Variants in IBTK observed in about 807,000 individuals in gnomAD.
IBTK encodes the protein BTK-binding protein.
A neutral mutation model predicts 154.9 loss-of-function variants in IBTK; 83 were observed. That is an observed-to-expected ratio of 0.54 (90% CI 0.45 to 0.64). The LOEUF is 0.64. IBTK is among the 30% of genes least tolerant of loss of function. IBTK has a pLI of 0.00. For missense variants in IBTK, 1,332 were observed against 1,584.6 expected (o/e 0.84, Z 2.71); for synonymous variants, 515 against 536.1 (o/e 0.96, Z 0.54).
At chr6:82,233,195 C>A (rs1207443745) in intron 3 of IBTK, among the ~76,000 whole-genome samples, 1 of 150,636 alleles carries the variant, frequency 6.6e-6, no homozygotes, top group Admixed American at 6.6e-5. Context: ...GGCATGGTGG[C>A]ATGGGTCTAT....
chr6:82,200,390 T>A, intron 20 of IBTK, 137 bp from the exon 21 acceptor site: 1 of 743,372 alleles, frequency 1.3e-6, no homozygotes, highest in South Asian at 1.9e-5. Context: ...CCTACAGATA[T>A]TAATTATGTA....
rs375711763 is a variant in IBTK at position 82,211,587 on chromosome 6, T to G, written c.2292-15A>C. 40 of 1,598,982 alleles carry G rather than the reference T, an allele frequency of 2.5e-5. No individual in the cohort carries two copies. The highest frequency in any genetic ancestry group is 3.3e-5 in the Non-Finnish European group (38 of 1,166,654). On this transcript the variant is annotated splice_polypyrimidine_tract_variant and intron_variant, in intron 13 of 28. Coordinates refer to ENST00000306270, the MANE Select transcript of IBTK (RefSeq NM_015525.4). The stretch of plus-strand genomic sequence containing the variant: ...ACAGAAATGAACTGCAAGAAAATGT[T>G]TAATTGAAGCAAGAGCAATTTCTTT...
intron 26 of IBTK, among the ~76,000 whole-genome samples, chr6:82,175,634 T>C (rs1768082066): frequency 6.6e-6 from 1 of 152,190 alleles, no homozygotes; most frequent in South Asian, 2.1e-4. Flanking sequence ...TTTTCAACAT[T>C]AGCAACATAG....
chr6:82,190,062 C>A (rs1009576749), intron 25 of IBTK, among the ~76,000 whole-genome samples: 1 of 152,134 alleles, frequency 6.6e-6, no homozygotes, highest in Non-Finnish European at 1.5e-5. Context: ...CTGCTAAGCT[C>A]ATCCTCTCCA....
At chr6:82,239,555 TG>T (rs1770860327) in intron 2 of IBTK, among the ~76,000 whole-genome samples, 1 of 150,414 alleles carries the variant, frequency 6.6e-6, no homozygotes, top group African/African-American at 2.4e-5. Flanking sequence ...GCCATTAGAC[TG>T]GGGCAACTCT....
chr6:82,187,620 AAG>A (rs71670263), intron 25 of IBTK, among the ~76,000 whole-genome samples: 40,976 of 151,986 alleles, frequency 0.27, 5,939 homozygotes, highest in Non-Finnish European at 0.34. Context: ...AGTGGACAAA[AAG>A]AAATACTAGC....
chr6:82,194,247 A>T (rs956070283), intron 23 of IBTK, among the ~76,000 whole-genome samples: 2 of 152,118 alleles, frequency 1.3e-5, no homozygotes, highest in African/African-American at 4.8e-5. Context: ...AAAACATAGT[A>T]TTTGCTACTA....
rs757859436 is a variant in IBTK, at chr6:82,171,386, C to T, written c.*39G>A. The T allele has an allele frequency of 1.3e-6, 2 of 1,570,518 alleles. No individual in the cohort carries two copies. Among genetic ancestry groups the T allele is most frequent in the East Asian group, 4.5e-5 (2 of 44,292 alleles). On this transcript the variant is annotated 3_prime_UTR_variant, in exon 29 of 29. Coordinates refer to ENST00000306270, the MANE Select transcript of IBTK (RefSeq NM_015525.4). ...CACAGCTTTTCTTTATATGAACAAA[C>T]TCATAATTATGTAAAATGCATCTCA...
intron 16 of IBTK, among the ~76,000 whole-genome samples, chr6:82,209,738 A>C (rs1582220402): frequency 6.6e-6 from 1 of 152,360 alleles, no homozygotes; most frequent in South Asian, 2.1e-4. Context: ...CGATTTTTAA[A>C]AAGAATGAAA....
At chr6:82,199,230 C>T (rs1198649720) in intron 21 of IBTK, among the ~76,000 whole-genome samples, 2 of 151,448 alleles carry the variant, frequency 1.3e-5, no homozygotes, top group African/African-American at 2.4e-5. Flanking sequence ...TTTTAAGTCT[C>T]TGTATTGTGT....
chr6:82,204,926 G>A lies in IBTK; in HGVS notation c.2542C>T (p.Leu848Phe), dbSNP rs1769342175. The A allele has an allele frequency of 3.1e-6, 5 of 1,602,102 alleles. No homozygotes were observed. Among genetic ancestry groups the A allele is most frequent in the Non-Finnish European group, 4.3e-6 (5 of 1,173,826 alleles). ...ATGAGAAGTTGATCAGCCACCACAAGAACACTACAAATAAAATCTACATTT... is the reference window on the plus strand; with the variant it reads ...ATGAGAAGTTGATCAGCCACCACAAAAACACTACAAATAAAATCTACATTT... ...SQNVDFICSV[L>F]VVADQLLITR... The change falls in exon 17 of 29, where the codon CTT becomes TTT. Residue 848 changes from leucine to phenylalanine, a missense_variant. By Grantham distance (22) the Leu-to-Phe change is conservative (BLOSUM62 0). Around this residue, in one of 3 missense-constraint regions of IBTK, gnomAD observed 1,134 missense variants for 1,274.7 expected, o/e 0.89. Transcript: ENST00000306270.
intron 4 of IBTK, among the ~76,000 whole-genome samples, chr6:82,230,391 C>G (rs1366230502): frequency 1.3e-5 from 2 of 152,010 alleles, no homozygotes; most frequent in African/African-American, 2.4e-5. Context: ...GGACTTTATC[C>G]AAAGGTGACT....
At position 82,227,200 on chromosome 6, in the gene IBTK, T is replaced by A; in HGVS notation, c.646A>T (p.Thr216Ser). ...AATGACATTTCAATTACCAAGCATGTCTGTTCATCTCCATGTCCTAATCGC... is the reference window on the plus strand; with the variant it reads ...AATGACATTTCAATTACCAAGCATGACTGTTCATCTCCATGTCCTAATCGC... ...GGRLGHGDEQ[T>S]CLVPRLVEGL... is the part of the protein sequence containing the mutation. The change falls in exon 5 of 29, where the codon ACA (threonine) becomes TCA (serine). Residue 216 changes from threonine to serine, a missense_variant. Around this residue, in one of 3 missense-constraint regions of IBTK, gnomAD observed 114 missense variants for 213.7 expected, o/e 0.53. Transcript: ENST00000306270. The A allele has an allele frequency of 1.2e-6, 2 of 1,601,640 alleles. No individual in the cohort carries two copies. The highest frequency in any genetic ancestry group is 1.7e-6 in the Non-Finnish European group (2 of 1,169,846).
At chr6:82,207,179 T>C (rs1176028323) in intron 16 of IBTK, among the ~76,000 whole-genome samples, 2 of 152,128 alleles carry the variant, frequency 1.3e-5, no homozygotes, top group South Asian at 2.1e-4. Flanking sequence ...ATCTTGCATA[T>C]AGAAAATCCT....
chr6:82,174,486 C>T (rs1370201944), intron 26 of IBTK, among the ~76,000 whole-genome samples: 1 of 152,006 alleles, frequency 6.6e-6, no homozygotes, highest in South Asian at 2.1e-4. Flanking sequence ...TTTGGTTGTA[C>T]AAATACATGG....
intron 23 of IBTK, among the ~76,000 whole-genome samples, chr6:82,192,842 G>C (rs1033761473): frequency 2.0e-5 from 3 of 151,822 alleles, no homozygotes; most frequent in Admixed American, 6.6e-5. Flanking sequence ...GCTCACACCT[G>C]AAATCCCAGC....
At chr6:82,173,016 TTTTGAGACAGAGTCTCAC>T (rs1435374813) in intron 27 of IBTK, 291 of 152,438 alleles carry the variant, frequency 1.9e-3, no homozygotes, top group Non-Finnish European at 2.8e-3. Context: ...TTTTTTTTTT[TTTTGAGACAGAGTCTCAC>T]TGTGTCGCCC....
At chr6:82,174,716 A>T (rs1438799278) in intron 26 of IBTK, among the ~76,000 whole-genome samples, 1 of 152,148 alleles carries the variant, frequency 6.6e-6, no homozygotes, top group Non-Finnish European at 1.5e-5. Flanking sequence ...GTATTATCCC[A>T]TTTAATCTTT....
At chr6:82,225,159 A>T in intron 6 of IBTK, among the ~76,000 whole-genome samples, 1 of 151,346 alleles carries the variant, frequency 6.6e-6, no homozygotes, top group Middle Eastern at 3.2e-3. Flanking sequence ...AAAAAAAAAA[A>T]ATTAGCCAGG....
Sources: gnomAD v4.1 joint callset for allele counts (sites outside exome capture counted in the v4.1 genomes callset) on GRCh38, gnomAD v4.1.1 for gene constraint, gnomAD v4.1.1 regional missense constraint, MANE v1.5 for transcripts, NCBI Gene and HGNC (gene_info 2026-07-23, HGNC 2026-07-21) for gene names.